CNTLN: variants seen among roughly 807,000 people sequenced by gnomAD.
CNTLN encodes the protein centlein, centrosomal protein.
Under a neutral mutation model 180.0 loss-of-function variants are expected in CNTLN, and 212 were observed. The ratio of observed to expected loss-of-function variants is 1.18; its 90% CI spans 1.05 to 1.32. The LOEUF (loss-of-function observed/expected upper bound fraction) is 1.32. Ranked by LOEUF, CNTLN falls within the 40% of genes most tolerant of loss-of-function variation. The pLI, the probability that CNTLN is intolerant of heterozygous loss-of-function variation, is 0.00. For missense variants in CNTLN, 2,095 were observed against 1,610.9 expected (o/e 1.30, Z -5.14); for synonymous variants, 722 against 563.1 (o/e 1.28, Z -3.99).
chr9:17,308,549 T>C (rs573849456), intron 7 of CNTLN, among the ~76,000 whole-genome samples: 1 of 152,258 alleles, frequency 6.6e-6, no homozygotes, highest in South Asian at 2.1e-4. Context: ...CTTTCAAATG[T>C]ATATGTTAAG....
At chr9:17,330,179 T>G (rs1820550290) in intron 8 of CNTLN, among the ~76,000 whole-genome samples, 1 of 152,104 alleles carries the variant, frequency 6.6e-6, no homozygotes, top group South Asian at 2.1e-4. Flanking sequence ...TGTTATTAAA[T>G]TAGTTTACAG....
At chr9:17,267,704 A>G (rs1353424618) in intron 5 of CNTLN, among the ~76,000 whole-genome samples, 2 of 152,144 alleles carry the variant, frequency 1.3e-5, no homozygotes, top group African/African-American at 4.8e-5. Flanking sequence ...GTCTTTTCAC[A>G]TAGTCCCATA....
intron 23 of CNTLN, among the ~76,000 whole-genome samples, chr9:17,480,213 G>A (rs778771157): frequency 6.6e-5 from 10 of 151,672 alleles, no homozygotes; most frequent in Non-Finnish European, 1.2e-4. Context: ...AAACATATCC[G>A]TACCAAAAAA....
At chr9:17,284,720 G>C (rs1438636454) in intron 6 of CNTLN, among the ~76,000 whole-genome samples, 1 of 151,850 alleles carries the variant, frequency 6.6e-6, no homozygotes, top group Non-Finnish European at 1.5e-5. Flanking sequence ...TGGATTCATT[G>C]ATTTTTTTGG....
intron 18 of CNTLN, among the ~76,000 whole-genome samples, chr9:17,435,841 G>A (rs115583111): frequency 0.014 from 2,119 of 152,236 alleles, 49 homozygotes; most frequent in African/African-American, 0.047. Context: ...AGGATTACAC[G>A]TGTAAGCCAT....
chr9:17,526,490 TA>T, the CNTLN span, among the ~76,000 whole-genome samples: 1 of 152,188 alleles, frequency 6.6e-6, no homozygotes, highest in African/African-American at 2.4e-5. Flanking sequence ...ACTTCCAAGT[TA>T]AAAGGAACAT....
At chr9:17,290,641 C>T (rs922843840) in intron 6 of CNTLN, among the ~76,000 whole-genome samples, 5 of 148,560 alleles carry the variant, frequency 3.4e-5, no homozygotes, top group African/African-American at 1.2e-4. Flanking sequence ...TCTCAGACTG[C>T]TGTGCTAGCA....
the CNTLN span, among the ~76,000 whole-genome samples, chr9:17,509,241 A>C: frequency 6.6e-6 from 1 of 152,202 alleles, no homozygotes; most frequent in Non-Finnish European, 1.5e-5. Flanking sequence ...TCAGCCCTTG[A>C]TATGGCACCA....
At chr9:17,323,604 A>G (rs927153654) in intron 8 of CNTLN, among the ~76,000 whole-genome samples, 1 of 151,862 alleles carries the variant, frequency 6.6e-6, no homozygotes, top group Non-Finnish European at 1.5e-5. Context: ...AAGCTAAAAC[A>G]CTCCCTCATC....
At chr9:17,254,377 A>C (rs1826340221) in intron 5 of CNTLN, among the ~76,000 whole-genome samples, 1 of 150,754 alleles carries the variant, frequency 6.6e-6, no homozygotes, top group East Asian at 1.9e-4. Flanking sequence ...ATCATTGCCA[A>C]ATCCAAAATC....
intron 7 of CNTLN, chr9:17,301,463 C>T: frequency 2.0e-6 from 2 of 985,218 alleles, no homozygotes. Context: ...CTTACTTTTC[C>T]TTGTGTTTAG....
chr9:17,158,283 G>A (rs1819439620), intron 2 of CNTLN, among the ~76,000 whole-genome samples: 2 of 152,032 alleles, frequency 1.3e-5, no homozygotes, highest in South Asian at 4.1e-4. Flanking sequence ...ATATGTTCCC[G>A]AATTTGGCTT....
chr9:17,511,648 T>TCACACACA, the CNTLN span, among the ~76,000 whole-genome samples: 1,857 of 146,664 alleles, frequency 0.013, 31 homozygotes, highest in East Asian at 0.049. Context: ...TCTCTCTCTC[T>TCACACACA]CACACACACA....
intron 13 of CNTLN, among the ~76,000 whole-genome samples, chr9:17,382,061 A>G (rs1195906840): frequency 3.3e-5 from 5 of 152,240 alleles, no homozygotes; most frequent in Admixed American, 3.3e-4. Flanking sequence ...TTTGCTGAGT[A>G]ATAATCTACC....
At chr9:17,452,073 G>A (rs896227290) in intron 18 of CNTLN, among the ~76,000 whole-genome samples, 14 of 152,162 alleles carry the variant, frequency 9.2e-5, no homozygotes, top group African/African-American at 3.1e-4. Context: ...TCGTTGAATA[G>A]GCAGATATTG....
chr9:17,348,731 A>T (rs1385188954), intron 12 of CNTLN, among the ~76,000 whole-genome samples: 3 of 151,936 alleles, frequency 2.0e-5, no homozygotes, highest in Non-Finnish European at 4.4e-5. Context: ...GGGTTTCACC[A>T]TGTTGTCCAG....
At chr9:17,302,888 A>G (rs550664305) in intron 7 of CNTLN, among the ~76,000 whole-genome samples, 1 of 152,340 alleles carries the variant, frequency 6.6e-6, no homozygotes, top group South Asian at 2.1e-4. Context: ...GGAGAATCTG[A>G]GTTTCCATTT....
intron 5 of CNTLN, among the ~76,000 whole-genome samples, chr9:17,257,848 T>C (rs942707622): frequency 6.8e-6 from 1 of 146,142 alleles, no homozygotes; most frequent in African/African-American, 2.6e-5. Flanking sequence ...TGTAAATTTG[T>C]TTGAGTTCAT....
intron 5 of CNTLN, among the ~76,000 whole-genome samples, chr9:17,272,048 T>G (rs986395534): frequency 7.4e-6 from 1 of 134,418 alleles, no homozygotes; most frequent in Non-Finnish European, 1.6e-5. Flanking sequence ...TTTTCCTTCC[T>G]TCCTTCCTCT....
Sources: allele counts gnomAD v4.1 joint callset (sites outside exome capture counted in the v4.1 genomes callset), GRCh38; gene constraint gnomAD v4.1.1; transcripts MANE v1.5; gene names NCBI Gene and HGNC (gene_info 2026-07-23, HGNC 2026-07-21).